The following PRIM2 variants were observed in gnomAD, a reference collection of about 807,000 sequenced individuals.
The protein encoded by PRIM2 is DNA primase subunit 2.
PRIM2 carries 39 observed loss-of-function variants against 67.3 expected under a neutral mutation model. The observed-to-expected ratio is 0.58, with a 90% CI of 0.45 to 0.76. The LOEUF (loss-of-function observed/expected upper bound fraction) is 0.76, where lower values mean the gene tolerates loss of function less well. PRIM2 is among the 30% of genes least tolerant of loss of function. PRIM2 has a pLI of 0.00. For missense variants in PRIM2, 398 were observed against 598.7 expected (o/e 0.66, Z 3.50); for synonymous variants, 143 against 198.7 (o/e 0.72, Z 2.36).
At chr6:57,281,763 G>A in the PRIM2 span, among the ~76,000 whole-genome samples, 3 of 152,106 alleles carry the variant, frequency 2.0e-5, no homozygotes, top group African/African-American at 7.2e-5. Flanking sequence ...GGAGCAGCTG[G>A]TGTGTACTAA....
rs1163114437 is a variant in PRIM2, at chr6:57,521,367, GTTTTTTTTT to G, written c.762-11026_762-11018del. On this transcript the variant is annotated intron_variant, in intron 8 of 13. Transcript: ENST00000615550. Reference sequence around the variant, plus strand: ...GAGTGGCTTAGTTTATGTGGTTAGGGTTTTTTTTTTTTTTTTTTTTTTTTTTAACACCCT... The same window carrying G: ...GAGTGGCTTAGTTTATGTGGTTAGGGTTTTTTTTTTTTTTTTTAACACCCT... Among the ~76,000 whole-genome samples the G allele has an allele frequency of 1.8e-3, 173 of 97,968 alleles. 1 individual carries two copies. The highest frequency in any genetic ancestry group is 5.8e-3 in the African/African-American group (153 of 26,498). 64.3% of individuals were successfully genotyped at this position (97,968 alleles called of 152,430 possible). A position where few individuals can be genotyped will look rare whatever the true frequency, so the allele number is the denominator to read the frequency against.
chr6:57,539,160 T>C (rs1775081099), intron 10 of PRIM2, among the ~76,000 whole-genome samples: 1 of 152,302 alleles, frequency 6.6e-6, no homozygotes, highest in South Asian at 2.1e-4. Flanking sequence ...CAGTTTTGGA[T>C]AATGTTTTTT....
chr6:57,512,538 T>C, intron 8 of PRIM2, among the ~76,000 whole-genome samples: 1 of 152,190 alleles, frequency 6.6e-6, no homozygotes, highest in East Asian at 1.9e-4. Flanking sequence ...ATCCCTATTT[T>C]ACAGGTTGGT....
At chr6:57,391,677 G>A (rs1770350478) in intron 7 of PRIM2, among the ~76,000 whole-genome samples, 1 of 152,090 alleles carries the variant, frequency 6.6e-6, no homozygotes, top group East Asian at 1.9e-4. Context: ...GGTTGTAGGT[G>A]TGTGGGCTTA....
intron 7 of PRIM2, among the ~76,000 whole-genome samples, chr6:57,419,108 G>A (rs1771377195): frequency 6.6e-6 from 1 of 152,150 alleles, no homozygotes; most frequent in African/African-American, 2.4e-5. Context: ...CTTTGGTGTA[G>A]AAGAATTTGT....
intron 7 of PRIM2, among the ~76,000 whole-genome samples, chr6:57,417,338 T>G (rs1275870846): frequency 2.0e-5 from 3 of 152,192 alleles, no homozygotes; most frequent in Non-Finnish European, 2.9e-5. Context: ...TTCCTTTGCA[T>G]TTACGACTTT....
intron 7 of PRIM2, among the ~76,000 whole-genome samples, chr6:57,446,994 A>G (rs2894857): frequency 6.6e-5 from 10 of 152,318 alleles, no homozygotes; most frequent in Non-Finnish European, 2.9e-5. Flanking sequence ...ACAACTCTTG[A>G]AGGCCCACCT....
At chr6:57,421,407 A>G (rs1173820926) in intron 7 of PRIM2, among the ~76,000 whole-genome samples, 1 of 152,218 alleles carries the variant, frequency 6.6e-6, no homozygotes, top group Non-Finnish European at 1.5e-5. Flanking sequence ...TGGCACTGAT[A>G]TATCAAATTC....
chr6:57,335,063 C>T (rs554027934), intron 5 of PRIM2, among the ~76,000 whole-genome samples: 1 of 152,330 alleles, frequency 6.6e-6, no homozygotes, highest in South Asian at 2.1e-4. Flanking sequence ...TGCAAGGGGT[C>T]AGGGAGTTCC....
chr6:57,426,882 T>C (rs1205468736), intron 7 of PRIM2, among the ~76,000 whole-genome samples: 1 of 152,228 alleles, frequency 6.6e-6, no homozygotes, highest in Non-Finnish European at 1.5e-5. Flanking sequence ...TTGAAATAAA[T>C]AGCCAGGTCT....
chr6:57,308,084 T>A, the PRIM2 span, among the ~76,000 whole-genome samples: 5 of 152,218 alleles, frequency 3.3e-5, no homozygotes, highest in Admixed American at 6.5e-5. Flanking sequence ...AAAAATTCCA[T>A]TGTATGAATA....
intron 12 of PRIM2, among the ~76,000 whole-genome samples, chr6:57,631,083 C>A (rs2127499289): frequency 6.6e-6 from 1 of 152,196 alleles, no homozygotes; most frequent in African/African-American, 2.4e-5. Flanking sequence ...ATTTTTGAAG[C>A]ACATTCTTGT....
At chr6:57,627,772 T>C (rs1156392787) in intron 12 of PRIM2, among the ~76,000 whole-genome samples, 2 of 152,236 alleles carry the variant, frequency 1.3e-5, no homozygotes, top group African/African-American at 4.8e-5. Context: ...TTTTGTACTT[T>C]ATCTGGAAAT....
At chr6:57,341,967 C>T (rs939160060) in intron 5 of PRIM2, among the ~76,000 whole-genome samples, 3 of 152,196 alleles carry the variant, frequency 2.0e-5, no homozygotes, top group African/African-American at 4.8e-5. Flanking sequence ...TCGGTTTCCT[C>T]AATGCTGCAG....
the PRIM2 span, among the ~76,000 whole-genome samples, chr6:57,231,880 G>T: frequency 6.6e-6 from 1 of 150,712 alleles, no homozygotes. Flanking sequence ...CTAGTACAAT[G>T]AACTTAATTA....
chr6:57,223,564 C>T, the PRIM2 span, among the ~76,000 whole-genome samples: 1 of 152,078 alleles, frequency 6.6e-6, no homozygotes, highest in African/African-American at 2.4e-5. Context: ...ACAGATTTAT[C>T]TCTAGGATTT....
chr6:57,585,564 A>G (rs1351876922), intron 10 of PRIM2, among the ~76,000 whole-genome samples: 3 of 152,182 alleles, frequency 2.0e-5, no homozygotes, highest in Non-Finnish European at 4.4e-5. Flanking sequence ...TGCTCAAGAC[A>G]GGCTGAGTGA....
chr6:57,317,126 C>T (rs910875771), upstream of PRIM2, among the ~76,000 whole-genome samples: 1 of 152,056 alleles, frequency 6.6e-6, no homozygotes, highest in Non-Finnish European at 1.5e-5. Flanking sequence ...GGGGGTAATA[C>T]GATCTTATAG....
the PRIM2 span, among the ~76,000 whole-genome samples, chr6:57,270,534 C>T: frequency 4.6e-5 from 7 of 152,118 alleles, no homozygotes; most frequent in Non-Finnish European, 5.9e-5. Context: ...TGGGCTGAGA[C>T]GATGGGGTTT....
Sources: allele counts gnomAD v4.1 joint callset (sites outside exome capture counted in the v4.1 genomes callset), GRCh38; gene constraint gnomAD v4.1.1; transcripts MANE v1.5; gene names NCBI Gene and HGNC (gene_info 2026-07-23, HGNC 2026-07-21).